The following NUP98 variants were observed in gnomAD, a reference collection of about 807,000 sequenced individuals.
NUP98 encodes the protein nuclear pore complex protein Nup98-Nup96.
Under a neutral mutation model 191.9 loss-of-function variants are expected in NUP98, and 26 were observed. The ratio of observed to expected loss-of-function variants is 0.14; its 90% CI spans 0.10 to 0.19. NUP98 has a LOEUF of 0.19. NUP98 is among the 10% of genes least tolerant of loss of function. The pLI is 1.00. For missense variants in NUP98, 1,941 were observed against 2,178.8 expected, an observed-to-expected ratio of 0.89 and a Z score of 2.17; for synonymous variants, 808 against 778.4, an observed-to-expected ratio of 1.04 and a Z score of -0.63.
At chr11:3,784,108 A>G (rs1325647925) in intron 1 of NUP98, among the ~76,000 whole-genome samples, 1 of 152,138 alleles carries the variant, frequency 6.6e-6, no homozygotes, top group African/African-American at 2.4e-5. Flanking sequence ...ATAGCCACAC[A>G]ATGTATGTAA....
At chr11:3,702,307 ACACACACTCTCTCTCTCTCT>A (rs1484595846) in intron 23 of NUP98, among the ~76,000 whole-genome samples, 136 bp downstream of exon 23, 8 of 57,994 alleles carry the variant, frequency 1.4e-4, no homozygotes, top group Admixed American at 4.0e-4. Context: ...ACACACACAC[ACACACACTCTCTCTCTCTCT>A]CTCTCTCTCT....
intron 1 of NUP98, among the ~76,000 whole-genome samples, chr11:3,792,245 A>T (rs1394500135): frequency 6.6e-6 from 1 of 150,466 alleles, no homozygotes. Context: ...AAGCTTCTCA[A>T]TTCTTAAAAA....
At chr11:3,705,391 C>T (rs576915687) in intron 21 of NUP98, 35 bp from the exon 22 acceptor site, 4 of 1,602,566 alleles carry the variant, frequency 2.5e-6, no homozygotes, top group Non-Finnish European at 3.4e-6. Context: ...GAATGTGCTT[C>T]CCAGAATCAA....
intron 26 of NUP98, among the ~76,000 whole-genome samples, chr11:3,694,262 T>C (rs952428782): frequency 6.6e-6 from 1 of 151,614 alleles, no homozygotes; most frequent in Non-Finnish European, 1.5e-5. Context: ...TCCCAGCTAC[T>C]TGGGAGGCTG....
At chr11:3,780,541 C>CAAAA (rs142060672) in intron 2 of NUP98, among the ~76,000 whole-genome samples, 41 of 74,780 alleles carry the variant, frequency 5.5e-4, no homozygotes, top group East Asian at 7.2e-4. Context: ...GACTCCATCT[C>CAAAA]AAAAAAAAAA....
Position 3,692,695 on chromosome 11 carries a change from A to G in NUP98, c.4311+537T>C, listed in dbSNP as rs1208056637. Among the ~76,000 whole-genome samples the G allele has an allele frequency of 3.3e-5, 5 of 152,208 alleles. No homozygotes were observed. In the East Asian group the frequency reaches 7.7e-4, roughly 23 times the overall value. On this transcript the variant is annotated intron_variant, in intron 27 of 32. Coordinates refer to ENST00000324932, the MANE Select transcript of NUP98 (RefSeq NM_016320.5). ...TCATCTGTCTTCAATGGACTGGTAA[A>G]GATTTCAGGTAGCTATCACTAACCC... is the stretch of plus-strand genomic sequence containing the variant.
At chr11:3,792,189 A>C (rs1451584211) in intron 1 of NUP98, among the ~76,000 whole-genome samples, 1 of 143,206 alleles carries the variant, frequency 7.0e-6, no homozygotes, top group Non-Finnish European at 1.5e-5. Flanking sequence ...AAAAAAAAAA[A>C]AAAAAAAAAA....
intron 29 of NUP98, among the ~76,000 whole-genome samples, 176 bp downstream of exon 29, chr11:3,685,797 A>C (rs942552783): frequency 6.6e-6 from 1 of 152,252 alleles, no homozygotes; most frequent in East Asian, 1.9e-4. Context: ...ACTGGTTTAC[A>C]TGAATACAGA....
chr11:3,778,864 C>T lies in NUP98; in HGVS notation c.355+9G>A, dbSNP rs2081848066. On this transcript the variant is annotated intron_variant, in intron 4 of 32. Transcript: ENST00000324932. The stretch of plus-strand genomic sequence containing the variant: ...ATTAGATGCAGAACTCCAGTGATGT[C>T]CCACTTACTGCCAAAGCCAGTTGGT... The T allele has an allele frequency of 2.5e-6, 4 of 1,612,656 alleles. No homozygotes were observed. In the South Asian group the frequency reaches 4.4e-5, roughly 18 times the overall value.
At chr11:3,769,830 G>C (rs1197474008) in intron 7 of NUP98, among the ~76,000 whole-genome samples, 1 of 151,230 alleles carries the variant, frequency 6.6e-6, no homozygotes, top group East Asian at 2.0e-4. Context: ...GGATCATAAG[G>C]TCTGGAGTTC....
At chr11:3,741,429 C>A (rs1289331680) in intron 12 of NUP98, among the ~76,000 whole-genome samples, 2 of 151,972 alleles carry the variant, frequency 1.3e-5, no homozygotes, top group African/African-American at 4.8e-5. Flanking sequence ...CGAGACCAGC[C>A]TGGCCAACAT....
chr11:3,749,871 T>C (rs1321925299), intron 11 of NUP98, among the ~76,000 whole-genome samples: 1 of 152,266 alleles, frequency 6.6e-6, no homozygotes, highest in African/African-American at 2.4e-5. Context: ...GGGCATTGTA[T>C]ATAATGTGAG....
At chr11:3,747,954 T>G (rs1307657510) in intron 11 of NUP98, among the ~76,000 whole-genome samples, 2 of 152,194 alleles carry the variant, frequency 1.3e-5, no homozygotes, top group Non-Finnish European at 2.9e-5. Flanking sequence ...TGACTCACAA[T>G]TCTCATTTCC....
At chr11:3,719,657 T>G in intron 17 of NUP98, 107 bp from the exon 18 acceptor site, 1 of 806,450 alleles carries the variant, frequency 1.2e-6, no homozygotes. Flanking sequence ...TTTTAAGTAT[T>G]AGTATTTTAA....
chr11:3,757,549 A>C (rs56080159), intron 10 of NUP98, among the ~76,000 whole-genome samples: 3,982 of 152,238 alleles, frequency 0.026, 197 homozygotes, highest in African/African-American at 0.091. Context: ...CTGTAATCCC[A>C]GCACTTTGGG....
intron 31 of NUP98, among the ~76,000 whole-genome samples, chr11:3,677,792 GT>G (rs375030256): frequency 1.6e-4 from 24 of 152,274 alleles, no homozygotes; most frequent in African/African-American, 5.1e-4. Flanking sequence ...TAGAAATGAT[GT>G]TCTTGATTCA....
At chr11:3,770,808 C>T (rs993588958) in intron 7 of NUP98, among the ~76,000 whole-genome samples, 4 of 152,132 alleles carry the variant, frequency 2.6e-5, no homozygotes, top group Admixed American at 6.6e-5. Context: ...ACCAATGCAT[C>T]GGCAAATTCC....
intron 15 of NUP98, among the ~76,000 whole-genome samples, chr11:3,724,789 A>AAAAAAAAAAAAAAAAAAAAAAAAAAAAG (rs1259105482): frequency 1.3e-5 from 2 of 150,256 alleles, no homozygotes; most frequent in African/African-American, 4.9e-5. Context: ...TCAAAAAAAA[A>AAAAAAAAAAAAAAAAAAAAAAAAAAAAG]AAAGAAAGAA....
At chr11:3,688,176 G>C (rs1168913983) in intron 28 of NUP98, among the ~76,000 whole-genome samples, 1 of 151,440 alleles carries the variant, frequency 6.6e-6, no homozygotes, top group Non-Finnish European at 1.5e-5. Context: ...AGGCTGAGGT[G>C]AGCGGATCAC....
Sources: allele counts gnomAD v4.1 joint callset (sites outside exome capture counted in the v4.1 genomes callset), GRCh38; gene constraint gnomAD v4.1.1; transcripts MANE v1.5; gene names NCBI Gene and HGNC (gene_info 2026-07-23, HGNC 2026-07-21).